USP30: variants seen among roughly 807,000 people sequenced by gnomAD.
USP30 encodes the protein ubiquitin carboxyl-terminal hydrolase 30.
A neutral mutation model predicts 68.2 loss-of-function variants in USP30; 41 were observed. That is an observed-to-expected ratio of 0.60 (90% CI 0.47 to 0.78). USP30 has a LOEUF of 0.78. Ranked by LOEUF, USP30 falls within the 30% of genes least tolerant of loss-of-function variation. USP30 has a pLI of 0.00. For synonymous variants in USP30, 229 were observed against 253.7 expected (o/e 0.90, Z 0.93); for missense variants, 522 against 649.4 (o/e 0.80, Z 2.13).
chr12:109,026,743 C>T (rs1248034153), intron 2 of USP30, among the ~76,000 whole-genome samples: 1 of 152,096 alleles, frequency 6.6e-6, no homozygotes, highest in African/African-American at 2.4e-5. Context: ...GTTGAGATTA[C>T]AGGTGTGAGC....
At chr12:109,038,823 A>G (rs1368599323) in intron 3 of USP30, among the ~76,000 whole-genome samples, 1 of 152,174 alleles carries the variant, frequency 6.6e-6, no homozygotes, top group African/African-American at 2.4e-5. Context: ...GTGTGGTGGT[A>G]TTATATAATG....
intron 3 of USP30, among the ~76,000 whole-genome samples, chr12:109,047,220 T>C (rs1440431645): frequency 6.6e-6 from 1 of 152,062 alleles, no homozygotes; most frequent in Admixed American, 6.6e-5. Flanking sequence ...CAACATTTAT[T>C]CACCTAAGAG....
chr12:109,057,269 AAAG>A (rs1240054898), intron 2 of USP30, among the ~76,000 whole-genome samples: 36 of 152,286 alleles, frequency 2.4e-4, no homozygotes, highest in African/African-American at 7.7e-4. Flanking sequence ...GCAAAGAAAG[AAAG>A]AAGAATGTGG....
chr12:109,031,685 T>C (rs1284740539), intron 3 of USP30, among the ~76,000 whole-genome samples: 1 of 152,212 alleles, frequency 6.6e-6, no homozygotes, highest in Non-Finnish European at 1.5e-5. Flanking sequence ...TGAATGACGT[T>C]CCAATAGAAG....
upstream of USP30, among the ~76,000 whole-genome samples, chr12:109,048,353 C>T (rs1000558042): frequency 7.9e-5 from 12 of 151,022 alleles, no homozygotes; most frequent in African/African-American, 1.5e-4. Context: ...CCCAAAGTGC[C>T]GGGATTATAG....
intron 7 of USP30, among the ~76,000 whole-genome samples, chr12:109,074,156 A>G (rs2041526298): frequency 6.6e-6 from 1 of 152,140 alleles, no homozygotes; most frequent in Admixed American, 6.5e-5. Flanking sequence ...GGCTTCTTTC[A>G]TTTAGCATAA....
intron 1 of USP30, among the ~76,000 whole-genome samples, chr12:109,053,273 C>G (rs967252667): frequency 1.3e-5 from 2 of 152,172 alleles, no homozygotes; most frequent in African/African-American, 4.8e-5. Context: ...AGCCCGCCCT[C>G]TAGTCTAATA....
intron 3 of USP30, among the ~76,000 whole-genome samples, chr12:109,059,763 T>C (rs2041002744): frequency 6.6e-6 from 1 of 152,192 alleles, no homozygotes; most frequent in Non-Finnish European, 1.5e-5. Flanking sequence ...TCTGCCTGCC[T>C]CAGCTCAAAG....
At chr12:109,058,279 C>G (rs568456206) in intron 3 of USP30, among the ~76,000 whole-genome samples, 171 bp downstream of exon 3, 12 of 152,072 alleles carry the variant, frequency 7.9e-5, no homozygotes, top group Non-Finnish European at 1.6e-4. Context: ...TTTTAAAAAT[C>G]AAAGATGGAG....
intron 3 of USP30, among the ~76,000 whole-genome samples, chr12:109,032,641 G>A (rs1340079472): frequency 6.6e-6 from 1 of 152,198 alleles, no homozygotes; most frequent in Non-Finnish European, 1.5e-5. Context: ...GGTTGCTTAG[G>A]AATGGGGTTG....
At chr12:109,056,843 T>C (rs2040892877) in intron 2 of USP30, 52 bp downstream of exon 2, 1 of 1,332,364 alleles carries the variant, frequency 7.5e-7, no homozygotes, top group Non-Finnish European at 1.0e-6. Context: ...CAGATCCCTG[T>C]TATCTGAAAA....
At chr12:109,053,009 T>G in intron 1 of USP30, 1 of 373,674 alleles carries the variant, frequency 2.7e-6, no homozygotes, top group Non-Finnish European at 4.8e-6. Flanking sequence ...CCTGTCATTG[T>G]TCCCAGGACA....
rs76988801 is a variant in USP30 at position 109,066,665 on chromosome 12, A to G, written c.377-859A>G. ...ACGCCATTGCACTCCACCCTGGGCG[A>G]CAGAGCACGACTCTGTTTCAAAAAA... is the stretch of plus-strand genomic sequence containing the variant. On this transcript the variant is annotated intron_variant, in intron 3 of 12. Coordinates refer to ENST00000257548, the MANE Select transcript of USP30 (RefSeq NM_032663.5). Among the ~76,000 whole-genome samples the G allele has an allele frequency of 3.4e-3, 521 of 152,302 alleles. 3 individuals are homozygous for G. Among genetic ancestry groups the G allele is most frequent in the African/African-American group, 0.012 (494 of 41,560 alleles).
At chr12:109,065,463 G>A (rs1036649326) in intron 3 of USP30, among the ~76,000 whole-genome samples, 5 of 152,254 alleles carry the variant, frequency 3.3e-5, no homozygotes, top group African/African-American at 1.2e-4. Flanking sequence ...CACAAAGTGT[G>A]AAGGCGGCTG....
rs148271525 is a variant in USP30, at chr12:109,069,977, G to A, written c.481-1635G>A. On this transcript the variant is annotated intron_variant, in intron 4 of 12. Coordinates refer to ENST00000257548, the MANE Select transcript of USP30 (RefSeq NM_032663.5). ...TGGAGAATGGCAGGGAGGCCAGGGC[G>A]GGGAGGGCGGTGGAGGAGAGGGGCT... 1.6e-4 allele frequency among the ~76,000 whole-genome samples: 24 copies of A among 152,154 alleles called. 2 individuals carry two copies. The East Asian group carries it at 3.5e-3, about 22-fold the overall frequency.
chr12:109,042,636 A>G (rs1167752909), intron 3 of USP30, among the ~76,000 whole-genome samples: 1 of 152,198 alleles, frequency 6.6e-6, no homozygotes, highest in Non-Finnish European at 1.5e-5. Context: ...ACAATGTTAC[A>G]GAACATTATA....
At chr12:109,057,620 A>T (rs1295056810) in intron 2 of USP30, among the ~76,000 whole-genome samples, 1 of 152,248 alleles carries the variant, frequency 6.6e-6, no homozygotes, top group Non-Finnish European at 1.5e-5. Flanking sequence ...AGAGAAAAAG[A>T]CAGGAGATGG....
At chr12:109,050,274 A>G (rs886766742), upstream of USP30, among the ~76,000 whole-genome samples, 3 of 152,264 alleles carry the variant, frequency 2.0e-5, no homozygotes, top group African/African-American at 7.2e-5. Context: ...AGCCTGGGCC[A>G]CAGAGCGAGC....
chr12:109,060,414 A>C (rs2135728929), intron 3 of USP30, among the ~76,000 whole-genome samples: 1 of 152,280 alleles, frequency 6.6e-6, no homozygotes, highest in African/African-American at 2.4e-5. Context: ...TCACTGAGGT[A>C]TTTTCCCATG....
Sources: gnomAD v4.1 joint callset for allele counts (sites outside exome capture counted in the v4.1 genomes callset) on GRCh38, gnomAD v4.1.1 for gene constraint, MANE v1.5 for transcripts, NCBI Gene and HGNC (gene_info 2026-07-23, HGNC 2026-07-21) for gene names.